NVL: variants seen among roughly 807,000 people sequenced by gnomAD.
NVL encodes the protein nuclear valosin-containing protein-like.
NVL carries 84 observed loss-of-function variants against 110.2 expected under a neutral mutation model. The observed-to-expected ratio is 0.76, with a 90% confidence interval of 0.64 to 0.91. The LOEUF is 0.91. NVL is among the 40% of genes least tolerant of loss of function. The pLI, the probability that NVL is intolerant of heterozygous loss-of-function variation, is 0.00. For missense variants in NVL, 882 were observed against 1,035.9 expected, an observed-to-expected ratio of 0.85 and a Z score of 2.04; for synonymous variants, 354 against 361.1, an observed-to-expected ratio of 0.98 and a Z score of 0.22.
At chr1:224,278,277 G>A (rs947719967) in intron 16 of NVL, among the ~76,000 whole-genome samples, 3 of 146,398 alleles carry the variant, frequency 2.0e-5, no homozygotes, top group Admixed American at 7.0e-5. Context: ...TGTCGCCCAG[G>A]CTGGAGTGCA....
chr1:224,294,184 C>A, intron 12 of NVL, 83 bp downstream of exon 12: 1 of 1,383,228 alleles, frequency 7.2e-7, no homozygotes, highest in Non-Finnish European at 1.0e-6. Context: ...GAAAAGGCTA[C>A]TTGGTATTTC....
chr1:224,254,866 A>T (rs1338358342), intron 18 of NVL, among the ~76,000 whole-genome samples: 6 of 140,102 alleles, frequency 4.3e-5, no homozygotes, highest in Non-Finnish European at 9.0e-5. Context: ...GGCTACTTTT[A>T]AAATGGTGTA....
At chr1:224,239,872 G>C (rs566535666) in intron 19 of NVL, among the ~76,000 whole-genome samples, 2 of 152,036 alleles carry the variant, frequency 1.3e-5, no homozygotes, top group Non-Finnish European at 2.9e-5. Context: ...ATTGTGCATC[G>C]CATCTTAGTG....
At position 224,231,215 on chromosome 1, in the gene NVL, G is replaced by C. The variant is rs1314041854; in HGVS notation, c.2526+11C>G. The C allele has an allele frequency of 6.3e-7, 1 of 1,585,840 alleles. No homozygotes were observed. The highest frequency in any genetic ancestry group is 1.3e-5 in the African/African-American group (1 of 74,338). ...GTTTCCTTTCTCTATGCATTTAATG[G>C]CATTGCTTACCTTTTTTGATATAGA... On this transcript the variant is annotated intron_variant, in intron 22 of 22. Transcript: ENST00000281701.
intron 2 of NVL, among the ~76,000 whole-genome samples, chr1:224,321,275 T>A (rs910293926): frequency 5.9e-5 from 9 of 152,000 alleles, no homozygotes; most frequent in Admixed American, 5.2e-4. Flanking sequence ...AATTAAAAAT[T>A]AAACAAAGAG....
intron 10 of NVL, 38 bp from the exon 11 acceptor site, chr1:224,296,656 G>T: frequency 8.0e-7 from 1 of 1,254,320 alleles, no homozygotes; most frequent in South Asian, 1.3e-5. Flanking sequence ...AATCATAAAT[G>T]CATCCCCTAT....
chr1:224,244,099 G>A (rs1369267501), intron 19 of NVL, among the ~76,000 whole-genome samples: 2 of 151,928 alleles, frequency 1.3e-5, no homozygotes, highest in Admixed American at 1.3e-4. Context: ...CGGGCGTGGT[G>A]GCTCATGCCT....
intron 18 of NVL, among the ~76,000 whole-genome samples, chr1:224,259,344 G>T (rs568063812): frequency 6.6e-6 from 1 of 152,282 alleles, no homozygotes; most frequent in Admixed American, 6.5e-5. Flanking sequence ...ACTCGCCTCA[G>T]CCTCCCAAAG....
At chr1:224,294,792 G>C (rs531415133) in intron 11 of NVL, among the ~76,000 whole-genome samples, 1 of 152,048 alleles carries the variant, frequency 6.6e-6, no homozygotes, top group East Asian at 1.9e-4. Flanking sequence ...AGGCTTGAAG[G>C]GTAAATACAA....
intron 2 of NVL, 75 bp from the exon 3 acceptor site, chr1:224,318,005 T>C (rs1051330665): frequency 1.7e-5 from 17 of 1,007,640 alleles, no homozygotes; most frequent in East Asian, 7.2e-5. Flanking sequence ...TCTAAATGGA[T>C]CAAATAAATT....
At chr1:224,326,208 T>C (rs1671128879) in intron 2 of NVL, among the ~76,000 whole-genome samples, 183 bp downstream of exon 2, 1 of 152,186 alleles carries the variant, frequency 6.6e-6, no homozygotes, top group Admixed American at 6.5e-5. Context: ...ACAAAAGACA[T>C]TTTACTGCAC....
At position 224,330,017 on chromosome 1, in the gene NVL, C is replaced by A. The variant is rs1671526976; in HGVS notation, c.57+54G>T. On this transcript the variant is annotated intron_variant, in intron 1 of 22. Transcript: ENST00000281701. ...GCCACCCGACAAAAGGGGAGTGGCA[C>A]CCTGGGGCAGCGATCGGGGCCCTTG... 12 of 1,571,898 alleles carry A rather than the reference C, an allele frequency of 7.6e-6. 1 individual carries two copies. In the South Asian group the frequency reaches 1.2e-4, roughly 16 times the overall value.
intron 9 of NVL, among the ~76,000 whole-genome samples, chr1:224,301,142 A>G (rs889838822): frequency 6.6e-6 from 1 of 152,008 alleles, no homozygotes; most frequent in Non-Finnish European, 1.5e-5. Context: ...ATGCAAACAC[A>G]TTTAAGTGGA....
intron 18 of NVL, among the ~76,000 whole-genome samples, chr1:224,254,131 G>A (rs1438182202): frequency 2.0e-5 from 3 of 151,794 alleles, no homozygotes; most frequent in Non-Finnish European, 2.9e-5. Flanking sequence ...TCACTCTGTC[G>A]CCCAGGCTGG....
intron 15 of NVL, 78 bp downstream of exon 15, chr1:224,285,948 G>T: frequency 9.3e-7 from 1 of 1,078,604 alleles, no homozygotes; most frequent in Non-Finnish European, 1.4e-6. Context: ...TTACCTCACT[G>T]TAATATTTAA....
At chr1:224,263,342 C>A (rs1237212688) in intron 18 of NVL, among the ~76,000 whole-genome samples, 5 of 152,104 alleles carry the variant, frequency 3.3e-5, no homozygotes. Flanking sequence ...GGTAAAGCAT[C>A]CAACAGAGGG....
chr1:224,329,963 AAAG>A (rs575707521), intron 1 of NVL, 105 bp downstream of exon 1: 22 of 1,090,016 alleles, frequency 2.0e-5, no homozygotes, highest in South Asian at 1.4e-4. Flanking sequence ...CAGACTGGGG[AAAG>A]AAGACTAGTT....
intron 18 of NVL, among the ~76,000 whole-genome samples, chr1:224,263,842 C>T (rs772042450): frequency 1.1e-4 from 16 of 151,974 alleles, no homozygotes; most frequent in Non-Finnish European, 2.1e-4. Flanking sequence ...AAGGTGAAAC[C>T]CCATCTCTAC....
At chr1:224,267,863 G>C (rs1664650722) in intron 18 of NVL, among the ~76,000 whole-genome samples, 171 bp downstream of exon 18, 1 of 152,032 alleles carries the variant, frequency 6.6e-6, no homozygotes, top group African/African-American at 2.4e-5. Context: ...TCCTTTCACA[G>C]AACCAAAAAT....
Sources: gnomAD v4.1 joint callset for allele counts (sites outside exome capture counted in the v4.1 genomes callset) on GRCh38, gnomAD v4.1.1 for gene constraint, MANE v1.5 for transcripts, NCBI Gene and HGNC (gene_info 2026-07-23, HGNC 2026-07-21) for gene names.